DGKB: variants seen among roughly 807,000 people sequenced by gnomAD.
DGKB encodes the protein 90 kDa diacylglycerol kinase.
In DGKB, 67 loss-of-function variants were observed where a neutral mutation model predicts 114.3. The ratio of observed to expected loss-of-function variants is 0.59; its 90% CI spans 0.48 to 0.72. The LOEUF is 0.72. DGKB is among the 30% of genes least tolerant of loss of function. The pLI is 0.00. For missense variants in DGKB, 907 were observed against 975.2 expected (o/e 0.93, Z 0.93); for synonymous variants, 398 against 323.1 (o/e 1.23, Z -2.49).
intron 5 of DGKB, among the ~76,000 whole-genome samples, chr7:14,730,814 GC>G (rs1288857484): frequency 2.1e-4 from 32 of 152,254 alleles, no homozygotes; most frequent in African/African-American, 7.7e-4. Flanking sequence ...AAGCAACTCT[GC>G]TTTAGCTAGC....
At chr7:14,591,203 G>C (rs1801648010) in intron 17 of DGKB, among the ~76,000 whole-genome samples, 2 of 152,122 alleles carry the variant, frequency 1.3e-5, no homozygotes, top group South Asian at 4.1e-4. Flanking sequence ...GGAGAAGTGA[G>C]AAAATGGGGA....
intron 1 of DGKB, among the ~76,000 whole-genome samples, chr7:14,848,399 C>G (rs1167561952): frequency 2.0e-5 from 3 of 152,038 alleles, no homozygotes. Flanking sequence ...AGAAAAATCA[C>G]TATGTTGTTT....
chr7:14,528,713 A>G (rs970593839), intron 20 of DGKB, among the ~76,000 whole-genome samples: 1 of 152,108 alleles, frequency 6.6e-6, no homozygotes, highest in Admixed American at 6.6e-5. Context: ...TATGTTAACC[A>G]AAATATTACA....
In DGKB at chr7:14,518,134, A is replaced by C. The variant is rs528089728; in HGVS notation, c.1771-39909T>G. Reference sequence around the variant, plus strand: ...CACTATGGAATACTATGCAGCCATAAAAAAGAATGGGATTATGTCCTTTGC... The same window carrying C: ...CACTATGGAATACTATGCAGCCATACAAAAGAATGGGATTATGTCCTTTGC... On this transcript the variant is annotated intron_variant, in intron 20 of 25. Transcript: ENST00000402815. Among the ~76,000 whole-genome samples the C allele has an allele frequency of 1.6e-4, 24 of 152,304 alleles. No homozygotes were observed. In the South Asian group the frequency reaches 4.8e-3, roughly 30 times the overall value.
chr7:14,643,413 A>G (rs1812227182), intron 13 of DGKB, among the ~76,000 whole-genome samples: 1 of 152,168 alleles, frequency 6.6e-6, no homozygotes, highest in African/African-American at 2.4e-5. Flanking sequence ...CTGATGCATC[A>G]TGGCATTATT....
rs186201910 is a variant in DGKB, at chr7:14,183,670, T to C, written c.2123-5519A>G. ...ATTGACAGGGAAACTATGTCACTTG[T>C]TCAAGTCTTTACATAGAATTGAAAA... is the stretch of plus-strand genomic sequence containing the variant. On this transcript the variant is annotated intron_variant, in intron 23 of 25. Transcript: ENST00000402815. Among the ~76,000 whole-genome samples, 27 of 152,346 alleles carry C rather than the reference T, an allele frequency of 1.8e-4. No homozygotes were observed. In the East Asian group the frequency reaches 4.8e-3, roughly 27 times the overall value.
chr7:14,691,388 G>A lies in DGKB; in HGVS notation c.711+2687C>T, dbSNP rs1180629542. ...AACAAATGGCCAACTTCAAACTGCA[G>A]TATCTAGATTTTCAATTAAATAAGC... On this transcript the variant is annotated intron_variant, in intron 9 of 25. Transcript: ENST00000402815. Among the ~76,000 whole-genome samples, 4 of 152,178 alleles carry A rather than the reference G, an allele frequency of 2.6e-5. No individual in the cohort carries two copies. In the East Asian group the frequency reaches 7.7e-4, roughly 29 times the overall value.
intron 23 of DGKB, among the ~76,000 whole-genome samples, chr7:14,308,422 C>T (rs373965375): frequency 6.6e-6 from 1 of 152,052 alleles, no homozygotes; most frequent in East Asian, 1.9e-4. Context: ...GATATTTCTA[C>T]TATTTAGATA....
intron 23 of DGKB, among the ~76,000 whole-genome samples, chr7:14,267,710 C>T (rs1279196080): frequency 2.6e-5 from 4 of 151,938 alleles, no homozygotes; most frequent in Non-Finnish European, 4.4e-5. Context: ...AGGATGGTCT[C>T]GATCTCCTGA....
At chr7:14,953,599 A>G (rs1003327905) in intron 1 of DGKB, among the ~76,000 whole-genome samples, 8 of 152,154 alleles carry the variant, frequency 5.3e-5, no homozygotes, top group African/African-American at 1.9e-4. Context: ...TGCTGATGGG[A>G]ACATGTAACA....
At chr7:14,428,207 C>T (rs184435770) in intron 21 of DGKB, among the ~76,000 whole-genome samples, 37 of 151,758 alleles carry the variant, frequency 2.4e-4, no homozygotes, top group Non-Finnish European at 4.4e-4. Flanking sequence ...AATCATCTTC[C>T]AATATTCTTT....
At chr7:14,733,618 G>T (rs972900010) in intron 5 of DGKB, among the ~76,000 whole-genome samples, 2 of 152,058 alleles carry the variant, frequency 1.3e-5, no homozygotes, top group African/African-American at 4.8e-5. Context: ...AATCCAGAAG[G>T]CAGAGGTTGC....
chr7:14,372,820 C>T (rs1357898592), intron 21 of DGKB, among the ~76,000 whole-genome samples: 1 of 151,974 alleles, frequency 6.6e-6, no homozygotes, highest in African/African-American at 2.4e-5. Flanking sequence ...CAAGTTTATC[C>T]ATTGAATCTG....
At chr7:14,468,320 C>G (rs1431527) in intron 21 of DGKB, among the ~76,000 whole-genome samples, 56,446 of 151,780 alleles carry the variant, frequency 0.37, 10,894 homozygotes, top group Admixed American at 0.48. Context: ...TCTTCTGTCT[C>G]CAGCACACAA....
At chr7:14,387,924 G>T in intron 21 of DGKB, among the ~76,000 whole-genome samples, 1 of 147,218 alleles carries the variant, frequency 6.8e-6, no homozygotes. Context: ...CTGTCACCCA[G>T]GCTAGAGTAC....
At chr7:14,259,005 A>G (rs1796341209) in intron 23 of DGKB, among the ~76,000 whole-genome samples, 1 of 152,138 alleles carries the variant, frequency 6.6e-6, no homozygotes, top group South Asian at 2.1e-4. Flanking sequence ...GGCTTTGTCT[A>G]TGAAATTTGT....
At chr7:14,355,542 GT>G (rs1366232629) in intron 21 of DGKB, among the ~76,000 whole-genome samples, 1 of 152,148 alleles carries the variant, frequency 6.6e-6, no homozygotes, top group East Asian at 1.9e-4. Flanking sequence ...TAATCATGTG[GT>G]TTTTGTCGTT....
intron 23 of DGKB, among the ~76,000 whole-genome samples, chr7:14,277,985 A>C (rs2128447107): frequency 6.6e-6 from 1 of 152,332 alleles, no homozygotes; most frequent in South Asian, 2.1e-4. Flanking sequence ...GAGGTATCTC[A>C]CAGTGGTCTT....
chr7:14,910,019 T>G (rs59940541), intron 1 of DGKB, among the ~76,000 whole-genome samples: 4 of 151,802 alleles, frequency 2.6e-5, no homozygotes, highest in Non-Finnish European at 4.4e-5. Flanking sequence ...CCAGCCTGGC[T>G]AACATGGTGA....
Sources: allele counts gnomAD v4.1 joint callset (sites outside exome capture counted in the v4.1 genomes callset), GRCh38; gene constraint gnomAD v4.1.1; transcripts MANE v1.5; gene names NCBI Gene and HGNC (gene_info 2026-07-23, HGNC 2026-07-21).